SLC4A7: variants seen among roughly 807,000 people sequenced by gnomAD.
The protein encoded by SLC4A7 is sodium bicarbonate cotransporter 3.
SLC4A7 carries 51 observed loss-of-function variants against 137.6 expected under a neutral mutation model. The ratio of observed to expected loss-of-function variants is 0.37; its 90% CI spans 0.30 to 0.47. The LOEUF (loss-of-function observed/expected upper bound fraction) is 0.47, where lower values mean the gene tolerates loss of function less well. Ranked by LOEUF, SLC4A7 falls within the 20% of genes least tolerant of loss-of-function variation. The pLI is 1.00. For synonymous variants in SLC4A7, 542 were observed against 518.6 expected (o/e 1.05, Z -0.61); for missense variants, 1,247 against 1,525.4 (o/e 0.82, Z 3.04).
intron 16 of SLC4A7, among the ~76,000 whole-genome samples, chr3:27,398,802 G>A (rs1464794827): frequency 6.6e-6 from 1 of 152,170 alleles, no homozygotes; most frequent in Non-Finnish European, 1.5e-5. Flanking sequence ...TGCTGGATAA[G>A]AGATGGCTAC....
intron 11 of SLC4A7, among the ~76,000 whole-genome samples, chr3:27,415,696 C>A (rs551907664): frequency 3.3e-5 from 5 of 152,202 alleles, no homozygotes; most frequent in Non-Finnish European, 7.3e-5. Flanking sequence ...TCTTTGCTGG[C>A]ACTAAATTAT....
intron 1 of SLC4A7, among the ~76,000 whole-genome samples, chr3:27,471,597 C>G (rs563177732): frequency 1.3e-5 from 2 of 152,302 alleles, no homozygotes; most frequent in South Asian, 4.2e-4. Flanking sequence ...GTCTCAAACT[C>G]CTGACCTCAG....
rs560564966 is a variant in SLC4A7, at chr3:27,475,848, G to C, written c.60+8219C>G. 2.6e-4 allele frequency among the ~76,000 whole-genome samples: 40 copies of C among 152,322 alleles called. No homozygotes were observed. The South Asian group carries it at 5.4e-3, about 21-fold the overall frequency. On this transcript the variant is annotated intron_variant, in intron 1 of 25. Coordinates refer to ENST00000454389, the MANE Select transcript of SLC4A7 (RefSeq NM_001321103.2). ...AGGACTCTACTGAGTTGGTGCATTG[G>C]CTAATTACAGCACCTGTATAAACAT...
chr3:27,477,829 G>C (rs973639338), intron 1 of SLC4A7, among the ~76,000 whole-genome samples: 11 of 151,970 alleles, frequency 7.2e-5, no homozygotes, highest in Non-Finnish European at 4.4e-5. Context: ...TGCCCAGACT[G>C]GTCTCGAACT....
intron 5 of SLC4A7, among the ~76,000 whole-genome samples, chr3:27,436,074 G>A (rs1007461555): frequency 5.3e-5 from 8 of 152,008 alleles, no homozygotes; most frequent in African/African-American, 1.7e-4. Flanking sequence ...CATTTTATGA[G>A]TAACTTGTAC....
At position 27,430,569 on chromosome 3, in the gene SLC4A7, G is replaced by A. The variant is rs531859858; in HGVS notation, c.1150+729C>T. The stretch of plus-strand genomic sequence containing the variant: ...CAGGAGGTGGAGGTTACAGTGAGCT[G>A]AGATCATGCCAGCCTCCAAAGCAAG... On this transcript the variant is annotated intron_variant, in intron 7 of 25. Coordinates refer to ENST00000454389, the MANE Select transcript of SLC4A7 (RefSeq NM_001321103.2). 3.5e-5 allele frequency among the ~76,000 whole-genome samples: 5 copies of A among 141,380 alleles called. No individual in the cohort carries two copies. The East Asian group carries it at 1.0e-3, about 29-fold the overall frequency. The allele number at this position is 141,380 out of a possible 152,430, so 92.8% of individuals were successfully genotyped here.
chr3:27,415,876 C>A (rs567866166), intron 11 of SLC4A7, among the ~76,000 whole-genome samples: 26 of 152,300 alleles, frequency 1.7e-4, no homozygotes, highest in African/African-American at 4.3e-4. Context: ...AGTGTTCATG[C>A]CTGCTGGCAT....
intron 11 of SLC4A7, among the ~76,000 whole-genome samples, chr3:27,416,535 A>G (rs936213496): frequency 3.9e-5 from 6 of 152,208 alleles, no homozygotes; most frequent in Non-Finnish European, 8.8e-5. Context: ...ATACCTAATT[A>G]ATCTTAATTT....
intron 25 of SLC4A7, among the ~76,000 whole-genome samples, chr3:27,377,934 G>A (rs911191456): frequency 1.3e-5 from 2 of 152,078 alleles, no homozygotes; most frequent in Non-Finnish European, 1.5e-5. Context: ...TGAAGTGCAG[G>A]GCAACCCAAA....
chr3:27,428,574 G>C (rs996257141), intron 7 of SLC4A7, among the ~76,000 whole-genome samples: 7 of 152,122 alleles, frequency 4.6e-5, no homozygotes, highest in African/African-American at 1.7e-4. Context: ...TAGAAAGAGA[G>C]GTTTACTTCA....
chr3:27,402,096 A>G (rs1035841298), intron 15 of SLC4A7, among the ~76,000 whole-genome samples: 1 of 152,218 alleles, frequency 6.6e-6, no homozygotes, highest in Non-Finnish European at 1.5e-5. Flanking sequence ...AGGTGGGTAG[A>G]AAAAGAAAAA....
intron 24 of SLC4A7, 22 bp downstream of exon 24, chr3:27,383,131 A>G: frequency 1.4e-6 from 2 of 1,415,118 alleles, no homozygotes; most frequent in Non-Finnish European, 2.0e-6. Flanking sequence ...TAAAAGTTTT[A>G]GAGCATAAAG....
Position 27,484,135 on chromosome 3 carries a change from G to A in SLC4A7, c.-9C>T, listed in dbSNP as rs937290730. On this transcript the variant is annotated 5_prime_UTR_variant, in exon 1 of 26. Transcript: ENST00000454389. Reference sequence around the variant, plus strand: ...GCCCCATCAGCCTCCATGGCCGGCCGGCCAGCCCGTGACGGCCGCTACGGT... The same window carrying A: ...GCCCCATCAGCCTCCATGGCCGGCCAGCCAGCCCGTGACGGCCGCTACGGT... 1 of 1,372,042 alleles carries A rather than the reference G, an allele frequency of 7.3e-7. No homozygotes were observed. The highest frequency in any genetic ancestry group is 9.4e-7 in the Non-Finnish European group (1 of 1,058,850). 85.0% of individuals were successfully genotyped at this position (1,372,042 alleles called of 1,614,324 possible).
At chr3:27,476,726 C>T (rs947040308) in intron 1 of SLC4A7, among the ~76,000 whole-genome samples, 4 of 152,164 alleles carry the variant, frequency 2.6e-5, no homozygotes, top group Admixed American at 2.0e-4. Context: ...GCATGCTTCC[C>T]CTTCCACCAT....
intron 1 of SLC4A7, among the ~76,000 whole-genome samples, chr3:27,460,633 T>C (rs2058648854): frequency 6.6e-6 from 1 of 152,244 alleles, no homozygotes; most frequent in African/African-American, 2.4e-5. Flanking sequence ...GTCTGAGTGA[T>C]GTTCAGCTCA....
Position 27,376,740 on chromosome 3 carries a change from T to C in SLC4A7, c.*24A>G, listed in dbSNP as rs1177238814. ...CACATTACATATGTATATATCTATA[T>C]GTATAATGCCTCTTGGTTCAATTCT... On this transcript the variant is annotated 3_prime_UTR_variant, in exon 26 of 26. Transcript: ENST00000454389. 5.8e-6 allele frequency: 8 copies of C among 1,386,892 alleles called. No homozygotes were observed. Among genetic ancestry groups the C allele is most frequent in the South Asian group, 1.2e-5 (1 of 84,536 alleles). 85.9% of individuals were successfully genotyped at this position (1,386,892 alleles called of 1,614,324 possible). A position where few individuals can be genotyped will look rare whatever the true frequency, so the allele number is the denominator to read the frequency against.
intron 1 of SLC4A7, among the ~76,000 whole-genome samples, chr3:27,481,473 T>C (rs2059703375): frequency 6.6e-6 from 1 of 152,242 alleles, no homozygotes; most frequent in Non-Finnish European, 1.5e-5. Context: ...TTTTTGGCTA[T>C]GCTGAGCAGT....
chr3:27,390,409 A>G lies in SLC4A7; in HGVS notation c.3187-305T>C, dbSNP rs142519154. 85 of 214,236 alleles carry G rather than the reference A, an allele frequency of 4.0e-4. 2 individuals carry two copies. In the East Asian group the frequency reaches 5.7e-3, roughly 14 times the overall value. 13.3% of individuals were successfully genotyped at this position (214,236 alleles called of 1,614,324 possible). On this transcript the variant is annotated intron_variant, in intron 21 of 25. Coordinates refer to ENST00000454389, the MANE Select transcript of SLC4A7 (RefSeq NM_001321103.2). ...AGATAAACTTATCTGCTATAATTGAATGCACAAGTCATTTATCTCTTTGTT... is the reference window on the plus strand; with the variant it reads ...AGATAAACTTATCTGCTATAATTGAGTGCACAAGTCATTTATCTCTTTGTT...
At position 27,484,027 on chromosome 3, in the gene SLC4A7, CT is replaced by C. The variant is rs1392101432; in HGVS notation, c.60+39del. The C allele has an allele frequency of 3.7e-6, 5 of 1,360,060 alleles. No individual in the cohort carries two copies. In the South Asian group the frequency reaches 4.9e-5, roughly 13 times the overall value. 84.2% of individuals were successfully genotyped at this position (1,360,060 alleles called of 1,614,324 possible). A position where few individuals can be genotyped will look rare whatever the true frequency, so the allele number is the denominator to read the frequency against. The stretch of plus-strand genomic sequence containing the variant: ...GCCTTTGTCTGCCTCGCCCCGCGCC[CT>C]CCCCCTGCGGAGGAGCCCCACCGCC... On this transcript the variant is annotated intron_variant, in intron 1 of 25. Transcript: ENST00000454389.
Sources: gnomAD v4.1 joint callset for allele counts (sites outside exome capture counted in the v4.1 genomes callset) on GRCh38, gnomAD v4.1.1 for gene constraint, MANE v1.5 for transcripts, NCBI Gene and HGNC (gene_info 2026-07-23, HGNC 2026-07-21) for gene names.